LRRC57: variants seen among roughly 807,000 people sequenced by gnomAD.
LRRC57 encodes leucine rich repeat containing 57.
LRRC57 carries 14 observed loss-of-function variants against 23.1 expected under a neutral mutation model. The ratio of observed to expected loss-of-function variants is 0.61; its 90% confidence interval spans 0.40 to 0.95. LRRC57 has a LOEUF of 0.95. LRRC57 is among the 40% of genes least tolerant of loss of function. The pLI, the probability that LRRC57 is intolerant of heterozygous loss-of-function variation, is 0.00. For synonymous variants in LRRC57, 106 were observed against 115.2 expected (o/e 0.92, Z 0.51); for missense variants, 236 against 284.4 (o/e 0.83, Z 1.22).
At chr15:42,529,320 T>C in the LRRC57 span, among the ~76,000 whole-genome samples, 8 of 152,232 alleles carry the variant, frequency 5.3e-5, no homozygotes, top group African/African-American at 1.7e-4. Flanking sequence ...GAGGGGCTTA[T>C]TAAACCGTAG....
At chr15:42,531,565 T>C in the LRRC57 span, 5 of 951,866 alleles carry the variant, frequency 5.3e-6, no homozygotes, top group Non-Finnish European at 8.1e-6. Flanking sequence ...AGTTTTCGGT[T>C]CCACGCTCTT....
Position 42,543,959 on chromosome 15 carries a change from T to A in LRRC57, c.*124A>T, listed in dbSNP as rs2057643808. 4 of 614,812 alleles carry A rather than the reference T, an allele frequency of 6.5e-6. No homozygotes were observed. Among genetic ancestry groups the A allele is most frequent in the Non-Finnish European group, 8.6e-6 (3 of 348,218 alleles). 38.1% of individuals were successfully genotyped at this position (614,812 alleles called of 1,614,324 possible). A position where few individuals can be genotyped will look rare whatever the true frequency, so the allele number is the denominator to read the frequency against. Reference sequence around the variant, plus strand: ...GAAAAGATCATTGAGTGAAATATAATCTCCTGAAGTATCATCTCCTTACTG... The same window carrying A: ...GAAAAGATCATTGAGTGAAATATAAACTCCTGAAGTATCATCTCCTTACTG... On this transcript the variant is annotated 3_prime_UTR_variant, in exon 6 of 6. Coordinates refer to ENST00000397130, the MANE Select transcript of LRRC57 (RefSeq NM_153260.3).
rs527664189 is a variant in LRRC57, at chr15:42,548,669, A to C, written c.-23+24T>G. ...GCCAGGCGCCTCTGGGAGCCTACGG[A>C]AGATCAGGGAGCCCCGGACTCGCCT... On this transcript the variant is annotated intron_variant, in intron 1 of 5. Coordinates refer to ENST00000397130, the MANE Select transcript of LRRC57 (RefSeq NM_153260.3). The C allele has an allele frequency of 1.3e-5, 8 of 621,036 alleles. No homozygotes were observed. In the East Asian group the frequency reaches 2.2e-4, roughly 17 times the overall value. The allele number at this position is 621,036 out of a possible 1,614,324, so 38.5% of individuals were successfully genotyped here.
Position 42,547,541 on chromosome 15 carries a change from A to C in LRRC57, c.224-12T>G, listed in dbSNP as rs2057666165. 6.3e-7 allele frequency: 1 copy of C among 1,592,312 alleles called. No homozygotes were observed. Among genetic ancestry groups the C allele is most frequent in the Admixed American group, 1.8e-5 (1 of 56,492 alleles). On this transcript the variant is annotated splice_polypyrimidine_tract_variant and intron_variant, in intron 3 of 5. Coordinates refer to ENST00000397130, the MANE Select transcript of LRRC57 (RefSeq NM_153260.3). Reference sequence around the variant, plus strand: ...ATCAGGCAGAACAGCTGGCAAAGAAAAATTTTTTTAAAACCTGAATGTGAT... The same window carrying C: ...ATCAGGCAGAACAGCTGGCAAAGAACAATTTTTTTAAAACCTGAATGTGAT...
chr15:42,529,778 A>T, the LRRC57 span: 1 of 1,613,528 alleles, frequency 6.2e-7, no homozygotes, highest in Middle Eastern at 1.7e-4. Flanking sequence ...AGGCAATGAG[A>T]TTGATGCTCA....
chr15:42,546,548 C>T (rs1403470103), intron 4 of LRRC57, among the ~76,000 whole-genome samples: 3 of 152,206 alleles, frequency 2.0e-5, no homozygotes, highest in East Asian at 3.9e-4. Flanking sequence ...CAGCTTCTGG[C>T]CACTTTAATG....
In LRRC57 at chr15:42,542,817, CCTTAGAGAGCAGTT is replaced by C. The variant is rs1217875405; in HGVS notation, c.*1252_*1265del. The C allele has an allele frequency of 6.6e-6, 1 of 152,632 alleles. No individual in the cohort carries two copies. The highest frequency in any genetic ancestry group is 1.5e-5 in the Non-Finnish European group (1 of 68,028). The allele number at this position is 152,632 out of a possible 1,614,324, so 9.5% of individuals were successfully genotyped here. On this transcript the variant is annotated 3_prime_UTR_variant, in exon 6 of 6. Transcript: ENST00000397130. ...AATAGTAGATAATTTGCTACCGCAGCCTTAGAGAGCAGTTCTTAGAGGTCTGCTGGTGCTTCTCT... is the reference window on the plus strand; with the variant it reads ...AATAGTAGATAATTTGCTACCGCAGCCTTAGAGGTCTGCTGGTGCTTCTCT...
At chr15:42,529,773 A>G in the LRRC57 span, 6 of 1,613,836 alleles carry the variant, frequency 3.7e-6, no homozygotes, top group East Asian at 2.2e-5. Flanking sequence ...AACATAGGCA[A>G]TGAGATTGAT....
At chr15:42,529,885 G>A in the LRRC57 span, 2 of 1,534,026 alleles carry the variant, frequency 1.3e-6, no homozygotes, top group Non-Finnish European at 1.8e-6. Context: ...ATAGACATCT[G>A]TGCTAGATAC....
intron 3 of LRRC57, 127 bp from the exon 4 acceptor site, chr15:42,547,656 C>T (rs762558897): frequency 1.1e-5 from 9 of 824,458 alleles, no homozygotes; most frequent in African/African-American, 1.7e-5. Flanking sequence ...CCCACATGTG[C>T]CATTTTTAGA....
downstream of LRRC57, among the ~76,000 whole-genome samples, chr15:42,537,261 A>ACACG (rs1555381695): frequency 3.4e-5 from 5 of 148,174 alleles, no homozygotes; most frequent in South Asian, 2.1e-4. Context: ...ACACACACAC[A>ACACG]CACGCACGCA....
chr15:42,534,149 G>A (rs945077702), downstream of LRRC57, among the ~76,000 whole-genome samples: 1 of 151,954 alleles, frequency 6.6e-6, no homozygotes, highest in Non-Finnish European at 1.5e-5. Flanking sequence ...TTGTTTTTTT[G>A]AGAAGGAGTC....
the LRRC57 span, among the ~76,000 whole-genome samples, chr15:42,531,070 C>T: frequency 6.6e-6 from 1 of 152,134 alleles, no homozygotes; most frequent in Non-Finnish European, 1.5e-5. Flanking sequence ...AGGTCCAGAT[C>T]TTTAACAGAG....
rs1448638998 is a variant in LRRC57, at chr15:42,545,182, G to C, written c.573C>G (p.Ser191Arg). The C allele has an allele frequency of 1.9e-6, 3 of 1,612,192 alleles. No homozygotes were observed. ...CACTGAGGATGCTCTGGGGAAGCAT[G>C]CTGAGCTCAAGACAATTCTCTTCCA... Reference protein sequence around the residue: ...LRLEENCLELSMLPQSILSDS... With the variant: ...LRLEENCLELRMLPQSILSDS... The change falls in exon 5 of 6, where the codon AGC becomes AGG. Residue 191 changes from serine to arginine, a missense_variant. Ser to Arg is a moderately radical substitution (Grantham distance 110). Coordinates refer to ENST00000397130, the MANE Select transcript of LRRC57 (RefSeq NM_153260.3).
Position 42,539,967 on chromosome 15 carries a change from AG to A in LRRC57, c.*4115del, listed in dbSNP as rs1389840470. ...TCCCAGCATTTTGGGAGGCCAAGGCAGGTGGATCAACTGAGGTCAGGAGTTT... is the reference window on the plus strand; with the variant it reads ...TCCCAGCATTTTGGGAGGCCAAGGCAGTGGATCAACTGAGGTCAGGAGTTT... On this transcript the variant is annotated 3_prime_UTR_variant, in exon 6 of 6. Transcript: ENST00000397130. 6.6e-6 allele frequency: 1 copy of A among 152,156 alleles called. No homozygotes were observed. The allele number at this position is 152,156 out of a possible 1,614,324, so 9.4% of individuals were successfully genotyped here. A position where few individuals can be genotyped will look rare whatever the true frequency, so the allele number is the denominator to read the frequency against.
chr15:42,531,516 G>A, the LRRC57 span: 10 of 1,479,782 alleles, frequency 6.8e-6, no homozygotes, highest in South Asian at 2.4e-5. Context: ...ATTCACTTCC[G>A]TAGCTCCTCC....
intron 3 of LRRC57, 130 bp from the exon 4 acceptor site, chr15:42,547,659 T>C: frequency 1.3e-6 from 1 of 783,636 alleles, no homozygotes; most frequent in Admixed American, 2.7e-5. Flanking sequence ...ACATGTGCCA[T>C]TTTTAGATAT....
rs1342681228 is a variant in LRRC57 at position 42,539,207 on chromosome 15, G to C, written c.*4876C>G. The C allele has an allele frequency of 6.6e-6, 1 of 152,142 alleles. No homozygotes were observed. The highest frequency in any genetic ancestry group is 1.5e-5 in the Non-Finnish European group (1 of 68,160). 9.4% of individuals were successfully genotyped at this position (152,142 alleles called of 1,614,324 possible). A position where few individuals can be genotyped will look rare whatever the true frequency, so the allele number is the denominator to read the frequency against. ...CAAAAAATACATATAGGCTGGGCGTGGTGGCTAACACCTGTAATCCCAGCA... is the reference window on the plus strand; with the variant it reads ...CAAAAAATACATATAGGCTGGGCGTCGTGGCTAACACCTGTAATCCCAGCA... On this transcript the variant is annotated 3_prime_UTR_variant, in exon 6 of 6. Coordinates refer to ENST00000397130, the MANE Select transcript of LRRC57 (RefSeq NM_153260.3).
At position 42,543,964 on chromosome 15, in the gene LRRC57, T is replaced by C. The variant is rs981881723; in HGVS notation, c.*119A>G. 2.4e-5 allele frequency: 16 copies of C among 660,228 alleles called. No homozygotes were observed. The Admixed American group carries it at 3.5e-4, about 14-fold the overall frequency. The allele number at this position is 660,228 out of a possible 1,614,324, so 40.9% of individuals were successfully genotyped here. On this transcript the variant is annotated 3_prime_UTR_variant, in exon 6 of 6. Coordinates refer to ENST00000397130, the MANE Select transcript of LRRC57 (RefSeq NM_153260.3). ...GATCATTGAGTGAAATATAATCTCC[T>C]GAAGTATCATCTCCTTACTGTAGAT...
Sources: gnomAD v4.1 joint callset for allele counts (sites outside exome capture counted in the v4.1 genomes callset) on GRCh38, gnomAD v4.1.1 for gene constraint, MANE v1.5 for transcripts, NCBI Gene and HGNC (gene_info 2026-07-23, HGNC 2026-07-21) for gene names.